The following CSMD1 variants were observed in gnomAD, a reference collection of about 807,000 sequenced individuals.
CSMD1 encodes the protein CUB and sushi domain-containing protein 1.
Under a neutral mutation model 417.5 loss-of-function variants are expected in CSMD1, and 213 were observed. That is an observed-to-expected ratio of 0.51 (90% CI 0.46 to 0.57). CSMD1 has a LOEUF of 0.57. Ranked by LOEUF, CSMD1 falls within the 20% of genes least tolerant of loss-of-function variation. CSMD1 has a pLI of 0.00. For missense variants in CSMD1, 6,923 were observed against 4,529.7 expected, an observed-to-expected ratio of 1.53 and a Z score of -15.17; for synonymous variants, 2,862 against 1,736.8, an observed-to-expected ratio of 1.65 and a Z score of -16.11.
chr8:4,210,130 A>G (rs553339863), intron 3 of CSMD1, among the ~76,000 whole-genome samples: 10 of 152,302 alleles, frequency 6.6e-5, no homozygotes, highest in Admixed American at 2.6e-4. Flanking sequence ...CTTCCTGGGC[A>G]AAGCATTTCT....
chr8:4,223,728 A>T (rs1217664738), intron 3 of CSMD1, among the ~76,000 whole-genome samples: 1 of 152,194 alleles, frequency 6.6e-6, no homozygotes, highest in Non-Finnish European at 1.5e-5. Flanking sequence ...AAAAATGAGG[A>T]ATTTGGGTCA....
At chr8:3,725,182 G>C (rs1802412947) in intron 6 of CSMD1, among the ~76,000 whole-genome samples, 3 of 152,142 alleles carry the variant, frequency 2.0e-5, no homozygotes, top group African/African-American at 7.2e-5. Flanking sequence ...CTGAAGGCAA[G>C]GAGGTAGGTT....
At chr8:2,974,961 T>C (rs1804796646) in intron 55 of CSMD1, among the ~76,000 whole-genome samples, 2 of 152,192 alleles carry the variant, frequency 1.3e-5, no homozygotes, top group African/African-American at 4.8e-5. Flanking sequence ...AACAGTATTA[T>C]AGGAAATTTG....
At chr8:3,906,731 C>A (rs746999815) in intron 5 of CSMD1, among the ~76,000 whole-genome samples, 2 of 151,192 alleles carry the variant, frequency 1.3e-5, no homozygotes, top group Admixed American at 1.3e-4. Flanking sequence ...GATAGATTTT[C>A]CTCATCTTTG....
At chr8:4,667,658 C>G (rs1304085158) in intron 1 of CSMD1, among the ~76,000 whole-genome samples, 1 of 152,068 alleles carries the variant, frequency 6.6e-6, no homozygotes, top group Non-Finnish European at 1.5e-5. Context: ...TTCTAATTTT[C>G]TTCAGTGATT....
chr8:4,152,810 A>C (rs557829926), intron 3 of CSMD1, among the ~76,000 whole-genome samples: 9 of 152,284 alleles, frequency 5.9e-5, no homozygotes, highest in African/African-American at 1.9e-4. Flanking sequence ...ACACACATAC[A>C]CGTATAGTGA....
At chr8:4,010,414 C>T (rs539908276) in intron 4 of CSMD1, among the ~76,000 whole-genome samples, 1 of 152,146 alleles carries the variant, frequency 6.6e-6, no homozygotes, top group Non-Finnish European at 1.5e-5. Flanking sequence ...TGCACAAATT[C>T]TCGGTCATTT....
intron 3 of CSMD1, among the ~76,000 whole-genome samples, chr8:4,188,828 G>C (rs376548674): frequency 1.7e-4 from 25 of 149,110 alleles, no homozygotes; most frequent in South Asian, 4.2e-4. Context: ...GTAATTGGGA[G>C]GGATATTAAA....
At chr8:4,727,070 C>G (rs187713086) in intron 1 of CSMD1, among the ~76,000 whole-genome samples, 1 of 152,182 alleles carries the variant, frequency 6.6e-6, no homozygotes, top group African/African-American at 2.4e-5. Context: ...AGATTGATGT[C>G]AGGGCTTTCT....
chr8:2,989,446 G>C (rs575379832), intron 54 of CSMD1, among the ~76,000 whole-genome samples: 1 of 152,188 alleles, frequency 6.6e-6, no homozygotes, highest in Admixed American at 6.5e-5. Context: ...ACATGCCAAT[G>C]ATGGTCCATT....
At chr8:3,699,796 T>C (rs978767792) in intron 7 of CSMD1, among the ~76,000 whole-genome samples, 8 of 152,064 alleles carry the variant, frequency 5.3e-5, no homozygotes, top group South Asian at 2.1e-4. Context: ...ATGTGAAATA[T>C]AAAAATCTAA....
At chr8:3,669,387 C>T (rs573170938) in intron 7 of CSMD1, among the ~76,000 whole-genome samples, 1 of 152,256 alleles carries the variant, frequency 6.6e-6, no homozygotes, top group African/African-American at 2.4e-5. Context: ...CCTTGAGCTT[C>T]TTGGGCTGGC....
intron 25 of CSMD1, among the ~76,000 whole-genome samples, chr8:3,285,829 A>G (rs887522123): frequency 4.6e-5 from 7 of 151,218 alleles, no homozygotes; most frequent in African/African-American, 1.7e-4. Context: ...GTGTATATAT[A>G]TATATATTTT....
At chr8:4,139,168 C>G (rs572446947) in intron 3 of CSMD1, among the ~76,000 whole-genome samples, 2 of 152,146 alleles carry the variant, frequency 1.3e-5, no homozygotes, top group African/African-American at 2.4e-5. Flanking sequence ...ACATGAAACC[C>G]TTTACTTAAA....
chr8:3,927,535 C>A (rs143360821), intron 5 of CSMD1, among the ~76,000 whole-genome samples: 37 of 149,910 alleles, frequency 2.5e-4, no homozygotes, highest in Middle Eastern at 7.0e-3. Context: ...CGTGGTGGTG[C>A]ATCACTGTAA....
At chr8:3,219,227 C>A (rs376554411) in intron 29 of CSMD1, 28 bp downstream of exon 29, 489 of 1,549,342 alleles carry the variant, frequency 3.2e-4, no homozygotes, top group Non-Finnish European at 3.5e-4. Context: ...CAAATTAATT[C>A]CCACTCAAAT....
chr8:4,428,873 T>C (rs1264091367), intron 2 of CSMD1, among the ~76,000 whole-genome samples: 1 of 151,934 alleles, frequency 6.6e-6, no homozygotes, highest in Admixed American at 6.6e-5. Context: ...CACCACCACG[T>C]CCAGCTAATT....
At chr8:4,741,802 C>T (rs893308345) in intron 1 of CSMD1, among the ~76,000 whole-genome samples, 13 of 151,912 alleles carry the variant, frequency 8.6e-5, no homozygotes, top group South Asian at 2.1e-4. Flanking sequence ...TAAACAGTGC[C>T]CTGGTGATTC....
chr8:4,455,302 C>T (rs1192137563), intron 2 of CSMD1, among the ~76,000 whole-genome samples: 1 of 152,112 alleles, frequency 6.6e-6, no homozygotes, highest in Admixed American at 6.5e-5. Flanking sequence ...TTCTTGCATC[C>T]ATTAGCAAAG....
Sources: allele counts gnomAD v4.1 joint callset (sites outside exome capture counted in the v4.1 genomes callset), GRCh38; gene constraint gnomAD v4.1.1; transcripts MANE v1.5; gene names NCBI Gene and HGNC (gene_info 2026-07-23, HGNC 2026-07-21).